CPQ: variants seen among roughly 807,000 people sequenced by gnomAD.
The protein encoded by CPQ is Ser-Met dipeptidase.
In CPQ, 37 loss-of-function variants were observed where a neutral mutation model predicts 45.7. That is an observed-to-expected ratio of 0.81 (90% CI 0.62 to 1.07). CPQ has a LOEUF of 1.07. CPQ is among the 50% of genes least tolerant of loss of function. CPQ has a pLI of 0.00. For missense variants in CPQ, 537 were observed against 572.9 expected (o/e 0.94, Z 0.64); for synonymous variants, 186 against 205.8 (o/e 0.90, Z 0.82).
intron 5 of CPQ, among the ~76,000 whole-genome samples, chr8:97,008,328 T>C (rs1809423412): frequency 6.6e-6 from 1 of 152,240 alleles, no homozygotes; most frequent in South Asian, 2.1e-4. Context: ...TTCTCTGTAA[T>C]AATGTGTCAA....
chr8:96,827,646 G>C (rs1811396764), intron 2 of CPQ, among the ~76,000 whole-genome samples: 1 of 151,978 alleles, frequency 6.6e-6, no homozygotes, highest in South Asian at 2.1e-4. Context: ...ATGGAACATA[G>C]AGCAATTTTA....
intron 5 of CPQ, among the ~76,000 whole-genome samples, chr8:97,008,242 C>T (rs1809421762): frequency 6.6e-6 from 1 of 152,148 alleles, no homozygotes; most frequent in Non-Finnish European, 1.5e-5. Context: ...ACCCTCAGTA[C>T]ACAGAAATAG....
intron 1 of CPQ, among the ~76,000 whole-genome samples, chr8:96,686,397 A>G (rs2514775): frequency 0.71 from 107,507 of 151,768 alleles, 38,493 homozygotes; most frequent in Middle Eastern, 0.82. Context: ...CATGATAAGG[A>G]TTTTTGTCAA....
intron 7 of CPQ, among the ~76,000 whole-genome samples, chr8:97,087,139 A>G (rs1036805188): frequency 6.6e-6 from 1 of 152,188 alleles, no homozygotes; most frequent in African/African-American, 2.4e-5. Context: ...GTAAATGACC[A>G]CAATGGCTAA....
intron 1 of CPQ, among the ~76,000 whole-genome samples, chr8:96,743,295 C>T (rs938936907): frequency 6.6e-6 from 1 of 151,796 alleles, no homozygotes; most frequent in African/African-American, 2.4e-5. Flanking sequence ...GCATTCTTCA[C>T]GTAGTTCTCG....
Position 96,835,107 on chromosome 8 carries a change from G to C in CPQ, c.568G>C (p.Gly190Arg). 9 of 1,596,552 alleles carry C rather than the reference G, an allele frequency of 5.6e-6. No individual in the cohort carries two copies. Among genetic ancestry groups the C allele is most frequent in the Non-Finnish European group, 7.7e-6 (9 of 1,170,860 alleles). ...YSRTVQYRTQ[G>R]AVEAAKVGAL... is the part of the protein sequence containing the mutation. ...AAGGACGGTGCAATACCGAACGCAG[G>C]GGGCGGTGGAAGCTGCCAAGGTGGG... Residue 190 changes from glycine to arginine, a missense_variant, in exon 3 of 8, where the codon GGG becomes CGG. Coordinates refer to ENST00000220763, the MANE Select transcript of CPQ (RefSeq NM_016134.4).
chr8:96,671,671 A>C (rs1006129732), intron 1 of CPQ, among the ~76,000 whole-genome samples: 1 of 152,224 alleles, frequency 6.6e-6, no homozygotes, highest in African/African-American at 2.4e-5. Context: ...GAATGAATGA[A>C]GGATCATTTG....
chr8:97,010,622 T>C (rs1277188776), intron 5 of CPQ, among the ~76,000 whole-genome samples: 1 of 152,192 alleles, frequency 6.6e-6, no homozygotes, highest in Non-Finnish European at 1.5e-5. Context: ...TCAGTGGAAC[T>C]GTAAATACTT....
chr8:96,733,952 A>G (rs898043424), intron 1 of CPQ, among the ~76,000 whole-genome samples: 2 of 152,188 alleles, frequency 1.3e-5, no homozygotes, highest in Non-Finnish European at 2.9e-5. Flanking sequence ...AATCTAAACT[A>G]ATTTTTCTCC....
At chr8:96,700,588 A>G (rs997452266) in intron 1 of CPQ, among the ~76,000 whole-genome samples, 1 of 152,174 alleles carries the variant, frequency 6.6e-6, no homozygotes, top group African/African-American at 2.4e-5. Flanking sequence ...ATAGCACCAC[A>G]TTGGTAAAGA....
rs537904604 is a variant in CPQ at position 96,662,234 on chromosome 8, A to AT, written c.-35+16839dup. 7.2e-5 allele frequency among the ~76,000 whole-genome samples: 11 copies of AT among 152,062 alleles called. No individual in the cohort carries two copies. The East Asian group carries it at 2.1e-3, about 29-fold the overall frequency. On this transcript the variant is annotated intron_variant, in intron 1 of 7. Coordinates refer to ENST00000220763, the MANE Select transcript of CPQ (RefSeq NM_016134.4). The stretch of plus-strand genomic sequence containing the variant: ...AAGAGTGGCAGAATTTTTGTTCATT[A>AT]TTTTTTTCTTGAATTAAATATCCTT...
rs536217949 is a variant in CPQ at position 97,134,213 on chromosome 8, A to T, written c.1256-8807A>T. Among the ~76,000 whole-genome samples the T allele has an allele frequency of 9.8e-5, 15 of 152,368 alleles. No homozygotes were observed. In the South Asian group the frequency reaches 2.7e-3, roughly 27 times the overall value. ...ACAAATATCTGTTAAGCATCCACTA[A>T]GTGCCAGGCATTGAGGATTGGGGTG... On this transcript the variant is annotated intron_variant, in intron 7 of 7. Coordinates refer to ENST00000220763, the MANE Select transcript of CPQ (RefSeq NM_016134.4).
At chr8:96,991,656 C>T (rs1809095105) in intron 5 of CPQ, among the ~76,000 whole-genome samples, 1 of 151,944 alleles carries the variant, frequency 6.6e-6, no homozygotes, top group South Asian at 2.1e-4. Flanking sequence ...TTCCCTGCTA[C>T]ATTGTCAGCT....
intron 7 of CPQ, among the ~76,000 whole-genome samples, chr8:97,089,884 T>G (rs1019482922): frequency 1.3e-5 from 2 of 152,150 alleles, no homozygotes; most frequent in African/African-American, 4.8e-5. Flanking sequence ...CCCAAAATAC[T>G]AATGTAGTAA....
intron 7 of CPQ, among the ~76,000 whole-genome samples, chr8:97,123,171 ATAAAATAT>A (rs1811777955): frequency 9.6e-6 from 1 of 104,664 alleles, no homozygotes. Context: ...ATAAAATAAA[ATAAAATAT>A]AAAATAAAAT....
chr8:96,954,780 T>A (rs1026633665), intron 4 of CPQ, among the ~76,000 whole-genome samples: 1 of 151,960 alleles, frequency 6.6e-6, no homozygotes, highest in African/African-American at 2.4e-5. Context: ...CGGTGTGTGA[T>A]GTTCCCCTTC....
At chr8:96,954,989 G>A (rs112478782) in intron 4 of CPQ, among the ~76,000 whole-genome samples, 4,350 of 152,150 alleles carry the variant, frequency 0.029, 199 homozygotes, top group African/African-American at 0.098. Flanking sequence ...TCTTAATCCA[G>A]TCTATCATTG....
At chr8:96,649,860 A>G (rs965848102) in intron 1 of CPQ, among the ~76,000 whole-genome samples, 27 of 152,206 alleles carry the variant, frequency 1.8e-4, no homozygotes, top group African/African-American at 6.3e-4. Context: ...TCTGATTCTT[A>G]TGTAAGTGCC....
At chr8:96,950,204 GA>G (rs1286654991) in intron 4 of CPQ, among the ~76,000 whole-genome samples, 1 of 152,076 alleles carries the variant, frequency 6.6e-6, no homozygotes, top group Non-Finnish European at 1.5e-5. Context: ...CAGTAGTCGA[GA>G]ATAAACTTCT....
Sources: gnomAD v4.1 joint callset for allele counts (sites outside exome capture counted in the v4.1 genomes callset) on GRCh38, gnomAD v4.1.1 for gene constraint, MANE v1.5 for transcripts, NCBI Gene and HGNC (gene_info 2026-07-23, HGNC 2026-07-21) for gene names.